The following SLC60A1 variants were observed in gnomAD, a reference collection of about 807,000 sequenced individuals.
SLC60A1 encodes the protein major facilitator superfamily domain containing 4.
the SLC60A1 span, among the ~76,000 whole-genome samples, chr1:205,582,460 C>G: frequency 6.6e-6 from 1 of 152,240 alleles, no homozygotes; most frequent in Admixed American, 6.5e-5. Context: ...TAAGGTGGGG[C>G]TGCCTTCCCT....
At chr1:205,580,634 C>T in the SLC60A1 span, 5 of 1,589,520 alleles carry the variant, frequency 3.1e-6, no homozygotes, top group Non-Finnish European at 4.3e-6. The surrounding 1 kb of genome is among the most constrained non-coding windows in gnomAD (Gnocchi z 5.0). Context: ...CCCCCACCCC[C>T]ACCCGCCACC....
At chr1:205,586,192 G>A in the SLC60A1 span, 1 of 1,613,344 alleles carries the variant, frequency 6.2e-7, no homozygotes, top group Non-Finnish European at 8.5e-7. Context: ...CGGCCACCAT[G>A]GTTTTCATCA....
chr1:205,598,043 T>G, the SLC60A1 span: 3 of 570,794 alleles, frequency 5.3e-6, no homozygotes, highest in South Asian at 6.0e-5. Context: ...CCTCCATATG[T>G]GGGATCTGGA....
At chr1:205,600,266 G>C in the SLC60A1 span, 3 of 748,816 alleles carry the variant, frequency 4.0e-6, 1 homozygote, top group South Asian at 6.4e-5. Context: ...GAACTAGGGG[G>C]TCTGACTTTT....
the SLC60A1 span, among the ~76,000 whole-genome samples, chr1:205,588,908 A>AGG: frequency 0.24 from 35,799 of 152,020 alleles, 4,584 homozygotes; most frequent in Non-Finnish European, 0.28. Context: ...ATGGAGGGTG[A>AGG]GGGTGTAGGC....
At chr1:205,580,845 C>T in the SLC60A1 span, 18 of 1,614,186 alleles carry the variant, frequency 1.1e-5, no homozygotes, top group South Asian at 8.8e-5. This position sits in a 1 kb window ranked among gnomAD's most constrained non-coding sequence, Gnocchi z 5.0. Context: ...TCCAACCAGA[C>T]GTTCCCAGGG....
chr1:205,597,952 C>A, the SLC60A1 span: 3 of 1,241,582 alleles, frequency 2.4e-6, no homozygotes, highest in Non-Finnish European at 2.4e-6. Flanking sequence ...CTGTCCCTTT[C>A]CTGAGTCTCC....
chr1:205,594,916 A>G, the SLC60A1 span: 22,568 of 152,228 alleles, frequency 0.15, 1,979 homozygotes, highest in East Asian at 0.38. Flanking sequence ...CTGGTACCAA[A>G]ACCCAGTGAT....
the SLC60A1 span, chr1:205,598,865 C>G: frequency 2.1e-6 from 1 of 487,652 alleles, no homozygotes; most frequent in Non-Finnish European, 3.6e-6. Context: ...TAGAGATCGT[C>G]AGAAGGTTCC....
At chr1:205,586,769 T>G in the SLC60A1 span, among the ~76,000 whole-genome samples, 1 of 151,722 alleles carries the variant, frequency 6.6e-6, no homozygotes, top group Admixed American at 6.6e-5. Context: ...TGATCTCAGC[T>G]CACTGCAACC....
the SLC60A1 span, among the ~76,000 whole-genome samples, chr1:205,590,739 T>G: frequency 6.6e-6 from 1 of 152,232 alleles, no homozygotes; most frequent in Non-Finnish European, 1.5e-5. Flanking sequence ...TGTACTTACT[T>G]TTTAAAGAAA....
chr1:205,592,826 G>C, the SLC60A1 span, among the ~76,000 whole-genome samples: 1,809 of 152,294 alleles, frequency 0.012, 42 homozygotes, highest in African/African-American at 0.041. Context: ...GACATTTTGT[G>C]CGATATGGAT....
the SLC60A1 span, among the ~76,000 whole-genome samples, chr1:205,573,403 G>A: frequency 6.6e-6 from 1 of 150,758 alleles, no homozygotes; most frequent in Admixed American, 6.7e-5. Flanking sequence ...TGGGTGACAA[G>A]AGCGAAACTC....
At chr1:205,574,065 C>T in the SLC60A1 span, among the ~76,000 whole-genome samples, 3 of 152,108 alleles carry the variant, frequency 2.0e-5, no homozygotes, top group African/African-American at 4.8e-5. Context: ...GGTTTTACAA[C>T]TCCAAATATT....
the SLC60A1 span, chr1:205,600,412 C>T: frequency 1.2e-6 from 2 of 1,614,072 alleles, no homozygotes; most frequent in South Asian, 2.2e-5. Flanking sequence ...GTAGTTCCTA[C>T]CCAAGACAGA....
At chr1:205,592,102 T>C in the SLC60A1 span, 1 of 1,611,556 alleles carries the variant, frequency 6.2e-7, no homozygotes, top group South Asian at 1.1e-5. Context: ...TGCTCAGCTT[T>C]TCGCAATTCC....
the SLC60A1 span, among the ~76,000 whole-genome samples, chr1:205,573,802 T>C: frequency 6.6e-6 from 1 of 152,122 alleles, no homozygotes; most frequent in Non-Finnish European, 1.5e-5. Context: ...GTTCAAGCAA[T>C]TCTCATGCCT....
the SLC60A1 span, chr1:205,592,064 C>T: frequency 5.7e-6 from 9 of 1,573,944 alleles, no homozygotes; most frequent in African/African-American, 1.4e-5. Context: ...CCAGGAGACG[C>T]CGACTCCTGG....
chr1:205,601,279 G>C, the SLC60A1 span: 1 of 152,212 alleles, frequency 6.6e-6, no homozygotes, highest in South Asian at 2.1e-4. Flanking sequence ...TACTATATAT[G>C]ATGGTGTGCT....
Sources: allele counts gnomAD v4.1 joint callset (sites outside exome capture counted in the v4.1 genomes callset), GRCh38; gene constraint gnomAD v4.1.1; non-coding constraint Gnocchi (gnomAD v3.1); transcripts MANE v1.5; gene names NCBI Gene and HGNC (gene_info 2026-07-23, HGNC 2026-07-21).